Variants in C5 observed in about 807,000 individuals in gnomAD.
C5 encodes the protein complement C5.
C5 carries 140 observed loss-of-function variants against 218.8 expected under a neutral mutation model. The observed-to-expected ratio is 0.64, with a 90% confidence interval of 0.56 to 0.74. The LOEUF is 0.74. C5 is among the 30% of genes least tolerant of loss of function. The pLI, the probability that C5 is intolerant of heterozygous loss-of-function variation, is 0.00. For synonymous variants in C5, 614 were observed against 682.3 expected, an observed-to-expected ratio of 0.90 and a Z score of 1.56; for missense variants, 1,700 against 1,969.6, an observed-to-expected ratio of 0.86 and a Z score of 2.59.
chr9:120,987,214 T>A (rs986551576), intron 25 of C5, among the ~76,000 whole-genome samples: 1 of 152,100 alleles, frequency 6.6e-6, no homozygotes. Flanking sequence ...AGGAAAGAAG[T>A]TAGGCCTTGA....
chr9:121,026,305 A>C (rs746694321), intron 8 of C5, among the ~76,000 whole-genome samples: 9 of 152,232 alleles, frequency 5.9e-5, no homozygotes, highest in Non-Finnish European at 5.9e-5. Context: ...GGGAAAGGGA[A>C]CCAGCGCCCT....
Position 121,043,016 on chromosome 9 carries a change from G to A in C5, c.409C>T (p.Pro137Ser). 1 of 1,611,922 alleles carries A rather than the reference G, an allele frequency of 6.2e-7. No homozygotes were observed. Among genetic ancestry groups the A allele is most frequent in the Non-Finnish European group, 8.5e-7 (1 of 1,178,338 alleles). The change falls in exon 3 of 41, where the codon CCA (proline) becomes TCA (serine). Residue 137 changes from proline to serine, a missense_variant. Coordinates refer to ENST00000223642, the MANE Select transcript of C5 (RefSeq NM_001735.3). ...TCTTATAATCTACCTGACTGGTCTG[G>A]AGTATAAACAGGTTTGTCTGTATGA... is the stretch of plus-strand genomic sequence containing the variant. ...FIHTDKPVYT[P>S]DQSVKVRVYS...
At chr9:120,999,895 T>A (rs1447881146) in intron 20 of C5, 1 of 451,464 alleles carries the variant, frequency 2.2e-6, no homozygotes, top group African/African-American at 2.0e-5. Context: ...CATGACACTT[T>A]AAAATGCTGT....
rs192737374 is a variant in C5, at chr9:121,015,079, A to G, written c.2059+120T>C. The G allele has an allele frequency of 7.6e-5, 53 of 699,338 alleles. No individual in the cohort carries two copies. The East Asian group carries it at 7.6e-4, about 10-fold the overall frequency. The allele number at this position is 699,338 out of a possible 1,614,324, so 43.3% of individuals were successfully genotyped here. ...TGAGAGAGATAAGCTAGACCTCCAT[A>G]CATATCTTTCTTTTCATTCATTTTA... On this transcript the variant is annotated intron_variant, in intron 16 of 40. Coordinates refer to ENST00000223642, the MANE Select transcript of C5 (RefSeq NM_001735.3).
At chr9:121,036,219 T>C (rs1018438404) in intron 4 of C5, among the ~76,000 whole-genome samples, 1 of 152,228 alleles carries the variant, frequency 6.6e-6, no homozygotes, top group African/African-American at 2.4e-5. Flanking sequence ...TAGCTGAGTA[T>C]TTTTATGGCT....
In C5 at chr9:121,019,701, G is replaced by A. The variant is rs545794173; in HGVS notation, c.1506+275C>T. ...AAGTGTTATTAGAACAGGAGTCAGA[G>A]TCCTCAGCTCAAATCAAAATTTTCC... On this transcript the variant is annotated intron_variant, in intron 12 of 40. Coordinates refer to ENST00000223642, the MANE Select transcript of C5 (RefSeq NM_001735.3). Among the ~76,000 whole-genome samples the A allele has an allele frequency of 2.6e-5, 4 of 152,314 alleles. No homozygotes were observed. In the East Asian group the frequency reaches 7.7e-4, roughly 29 times the overall value.
chr9:121,064,604 C>T, the C5 span, among the ~76,000 whole-genome samples: 1 of 152,090 alleles, frequency 6.6e-6, no homozygotes, highest in Non-Finnish European at 1.5e-5. Flanking sequence ...AATTTATCAA[C>T]TTTAATTTTG....
chr9:120,956,829 T>C (rs2046788090), intron 39 of C5: 1 of 193,260 alleles, frequency 5.2e-6, no homozygotes, highest in Non-Finnish European at 1.1e-5. Flanking sequence ...AACTAAACAG[T>C]GAGTACACAT....
intron 20 of C5, among the ~76,000 whole-genome samples, chr9:121,005,337 A>T (rs912163363): frequency 3.3e-5 from 5 of 152,216 alleles, no homozygotes; most frequent in Admixed American, 2.0e-4. Flanking sequence ...TCTAATCTGA[A>T]CAAGGAGTAA....
rs2046752797 is a variant in C5, at chr9:120,952,662, A to C, written c.*77T>G. ...AAGACCAGCTATGAATGTTTAAAAAAAGAAGAAAACAAAAAAACGAACTTC... is the reference window on the plus strand; with the variant it reads ...AAGACCAGCTATGAATGTTTAAAAACAGAAGAAAACAAAAAAACGAACTTC... On this transcript the variant is annotated 3_prime_UTR_variant, in exon 41 of 41. Transcript: ENST00000223642. The C allele has an allele frequency of 1.9e-5, 28 of 1,480,068 alleles. No individual in the cohort carries two copies. The highest frequency in any genetic ancestry group is 2.6e-5 in the Non-Finnish European group (28 of 1,067,914). The allele number at this position is 1,480,068 out of a possible 1,614,324, so 91.7% of individuals were successfully genotyped here.
intron 20 of C5, among the ~76,000 whole-genome samples, chr9:121,003,261 A>T (rs1335425769): frequency 1.3e-5 from 2 of 152,098 alleles, no homozygotes; most frequent in Non-Finnish European, 2.9e-5. Context: ...ATTGCACTCC[A>T]GCCTGGGTGA....
chr9:120,963,839 C>T (rs2046846520), intron 33 of C5, 101 bp from the exon 34 acceptor site: 1 of 873,674 alleles, frequency 1.1e-6, no homozygotes, highest in Non-Finnish European at 1.8e-6. Context: ...AAATTTGGGT[C>T]TCCATTTATT....
upstream of C5, among the ~76,000 whole-genome samples, chr9:121,051,378 C>T (rs1028454773): frequency 1.3e-5 from 2 of 152,116 alleles, no homozygotes; most frequent in African/African-American, 4.8e-5. Context: ...CCCACCTTGG[C>T]CTCCCAAAGT....
chr9:121,054,398 AAG>A (rs1284875755), upstream of C5, among the ~76,000 whole-genome samples: 1 of 152,114 alleles, frequency 6.6e-6, no homozygotes, highest in Non-Finnish European at 1.5e-5. Flanking sequence ...TCAGGAGTTC[AAG>A]ACCAGTCTGG....
chr9:120,986,410 A>G (rs1271231762), intron 25 of C5, among the ~76,000 whole-genome samples: 1 of 151,914 alleles, frequency 6.6e-6, no homozygotes, highest in African/African-American at 2.4e-5. Context: ...ATCATCATCA[A>G]TTTTGGGTTT....
rs1001902366 is a variant in C5, at chr9:120,970,159, G to A, written c.4162+11C>T. 3 of 1,580,888 alleles carry A rather than the reference G, an allele frequency of 1.9e-6. No individual in the cohort carries two copies. Among genetic ancestry groups the A allele is most frequent in the Non-Finnish European group, 1.7e-6 (2 of 1,150,142 alleles). ...TAGCCAAAATTACAGCGTAAATCCT[G>A]CTGTTTTTACCTTCAATATCCTGAG... On this transcript the variant is annotated intron_variant, in intron 32 of 40. Coordinates refer to ENST00000223642, the MANE Select transcript of C5 (RefSeq NM_001735.3).
At chr9:121,034,741 G>A (rs2047508414) in intron 5 of C5, 62 bp downstream of exon 5, 1 of 878,136 alleles carries the variant, frequency 1.1e-6, no homozygotes, top group Non-Finnish European at 1.9e-6. Flanking sequence ...CCCTTTAACT[G>A]GTTACCTGCT....
intron 22 of C5, among the ~76,000 whole-genome samples, chr9:120,994,046 G>C (rs1351695977): frequency 3.3e-5 from 5 of 152,044 alleles, no homozygotes; most frequent in Non-Finnish European, 7.4e-5. Flanking sequence ...GGCTTATCAG[G>C]GACAGAAAGC....
chr9:121,064,839 C>T, the C5 span, among the ~76,000 whole-genome samples: 79 of 152,146 alleles, frequency 5.2e-4, no homozygotes, highest in African/African-American at 1.8e-3. Flanking sequence ...CTGAGGAAGG[C>T]GGATCAGCTG....
Sources: allele counts gnomAD v4.1 joint callset (sites outside exome capture counted in the v4.1 genomes callset), GRCh38; gene constraint gnomAD v4.1.1; transcripts MANE v1.5; gene names NCBI Gene and HGNC (gene_info 2026-07-23, HGNC 2026-07-21).